The following C13orf46 variants were observed in gnomAD, a reference collection of about 807,000 sequenced individuals.
C13orf46 encodes the protein chromosome 13 open reading frame 46.
At chr13:113,929,641 G>A in the C13orf46 span, among the ~76,000 whole-genome samples, 20 of 152,212 alleles carry the variant, frequency 1.3e-4, no homozygotes, top group Admixed American at 2.0e-4. Flanking sequence ...GTGAAGTCGC[G>A]CTGTGAGTGA....
the C13orf46 span, among the ~76,000 whole-genome samples, chr13:113,936,590 G>A: frequency 2.6e-5 from 4 of 152,190 alleles, no homozygotes; most frequent in Admixed American, 6.5e-5. Flanking sequence ...ACGCAGAGCC[G>A]GCTAAACAGG....
At chr13:113,950,849 A>G (rs1417420345), downstream of C13orf46, among the ~76,000 whole-genome samples, 5 of 152,128 alleles carry the variant, frequency 3.3e-5, no homozygotes, top group African/African-American at 9.7e-5. Flanking sequence ...TGCACCCACC[A>G]CAGCCTTCAG....
At chr13:113,935,246 G>C in the C13orf46 span, among the ~76,000 whole-genome samples, 1 of 152,230 alleles carries the variant, frequency 6.6e-6, no homozygotes, top group Non-Finnish European at 1.5e-5. Context: ...CTCGGCCCCC[G>C]GCGCCCTTCA....
At chr13:113,936,985 T>C in the C13orf46 span, among the ~76,000 whole-genome samples, 2 of 152,194 alleles carry the variant, frequency 1.3e-5, no homozygotes, top group African/African-American at 4.8e-5. Flanking sequence ...CAGGCTCCTC[T>C]CGTCCTCGTA....
the C13orf46 span, among the ~76,000 whole-genome samples, chr13:113,945,889 G>C: frequency 1.5e-5 from 2 of 131,402 alleles, no homozygotes; most frequent in Admixed American, 7.8e-5. Context: ...GGTCAGCCAG[G>C]GGAACCACCT....
At chr13:113,971,035 T>C (rs1018055473) in intron 1 of C13orf46, among the ~76,000 whole-genome samples, 1 of 152,180 alleles carries the variant, frequency 6.6e-6, no homozygotes, top group African/African-American at 2.4e-5. Context: ...AGCACAGCCT[T>C]GTGAGGAAGT....
the C13orf46 span, among the ~76,000 whole-genome samples, chr13:113,945,649 AAAGAAAGAAAG>A: frequency 7.2e-6 from 1 of 138,360 alleles, no homozygotes; most frequent in Non-Finnish European, 1.6e-5. Context: ...AGAAAGAAAG[AAAGAAAGAAAG>A]AAAGAAAGAA....
chr13:113,939,677 CCT>C, the C13orf46 span, among the ~76,000 whole-genome samples: 8 of 152,194 alleles, frequency 5.3e-5, no homozygotes, highest in Non-Finnish European at 8.8e-5. Context: ...GTTTCTCACC[CCT>C]GACAGGGAGG....
intron 6 of C13orf46, among the ~76,000 whole-genome samples, chr13:113,963,480 AG>A (rs2052607343): frequency 1.0e-5 from 1 of 96,162 alleles, no homozygotes. Context: ...CCTCAGCCTC[AG>A]CCCGTCCTCA....
intron 6 of C13orf46, among the ~76,000 whole-genome samples, chr13:113,963,156 G>A (rs1275858487): frequency 2.6e-5 from 4 of 151,892 alleles, no homozygotes; most frequent in Admixed American, 6.6e-5. Context: ...TACAGCTGCA[G>A]CCCCTGTCCT....
the C13orf46 span, among the ~76,000 whole-genome samples, chr13:113,934,611 G>T: frequency 6.6e-6 from 1 of 152,242 alleles, no homozygotes; most frequent in African/African-American, 2.4e-5. Context: ...AATTGGCTAC[G>T]GTGAATCGAA....
the C13orf46 span, among the ~76,000 whole-genome samples, chr13:113,931,430 A>G: frequency 6.6e-6 from 1 of 152,094 alleles, no homozygotes; most frequent in Non-Finnish European, 1.5e-5. Flanking sequence ...TCAGGTCTTG[A>G]GTTCAGGGAG....
chr13:113,953,667 G>C (rs1566412504), downstream of C13orf46: 1 of 152,248 alleles, frequency 6.6e-6, no homozygotes, highest in Non-Finnish European at 1.5e-5. Flanking sequence ...CCCAGAATGA[G>C]GCCAGCCACA....
intron 6 of C13orf46, among the ~76,000 whole-genome samples, chr13:113,959,857 C>A (rs1387876617): frequency 1.3e-5 from 2 of 152,144 alleles, no homozygotes; most frequent in Non-Finnish European, 2.9e-5. Flanking sequence ...TCAGAATGGT[C>A]TGTAAAAGTC....
intron 6 of C13orf46, among the ~76,000 whole-genome samples, chr13:113,958,954 A>G (rs2052565130): frequency 6.6e-6 from 1 of 152,098 alleles, no homozygotes; most frequent in Non-Finnish European, 1.5e-5. Flanking sequence ...GAGACTTTTC[A>G]TTTGTTAAGG....
chr13:113,951,779 C>T (rs991624261), downstream of C13orf46, among the ~76,000 whole-genome samples: 2 of 152,228 alleles, frequency 1.3e-5, no homozygotes, highest in East Asian at 1.9e-4. Context: ...CGAAACTCCA[C>T]GTAGAGATGT....
chr13:113,929,080 A>C, the C13orf46 span, among the ~76,000 whole-genome samples: 1 of 152,258 alleles, frequency 6.6e-6, no homozygotes, highest in African/African-American at 2.4e-5. Context: ...AAGCTGGCAC[A>C]GCCGTGGGCC....
chr13:113,930,020 G>A, the C13orf46 span, among the ~76,000 whole-genome samples: 4 of 152,212 alleles, frequency 2.6e-5, no homozygotes, highest in East Asian at 1.9e-4. Flanking sequence ...AGGAGCCCTC[G>A]GCTCTGGACG....
At chr13:113,932,198 C>T in the C13orf46 span, among the ~76,000 whole-genome samples, 5 of 152,210 alleles carry the variant, frequency 3.3e-5, no homozygotes, top group African/African-American at 9.7e-5. Context: ...TTGGTGATTA[C>T]AGGCAAGGTT....
Sources: gnomAD v4.1 joint callset for allele counts (sites outside exome capture counted in the v4.1 genomes callset) on GRCh38, gnomAD v4.1.1 for gene constraint, MANE v1.5 for transcripts, NCBI Gene and HGNC (gene_info 2026-07-23, HGNC 2026-07-21) for gene names.